Variants in FAM227B observed in about 807,000 individuals in gnomAD.
FAM227B encodes protein FAM227B.
Under a neutral mutation model 73.8 loss-of-function variants are expected in FAM227B, and 88 were observed. That is an observed-to-expected ratio of 1.19 (90% CI 1.00 to 1.42). The LOEUF (loss-of-function observed/expected upper bound fraction) is 1.42. FAM227B is among the 40% of genes most tolerant of loss of function. The pLI is 0.00. For synonymous variants in FAM227B, 210 were observed against 190.5 expected, an observed-to-expected ratio of 1.10 and a Z score of -0.84; for missense variants, 632 against 590.9, an observed-to-expected ratio of 1.07 and a Z score of -0.72.
At chr15:49,331,569 C>G (rs1050268761) in intron 15 of FAM227B, 4 of 486,206 alleles carry the variant, frequency 8.2e-6, no homozygotes, top group Non-Finnish European at 1.5e-5. Context: ...TGGTCAGAAG[C>G]TGGAAATGGG....
At chr15:49,392,565 CCT>C (rs1198822140) in intron 11 of FAM227B, among the ~76,000 whole-genome samples, 3 of 151,998 alleles carry the variant, frequency 2.0e-5, no homozygotes, top group Admixed American at 2.0e-4. Flanking sequence ...AACAGACCAC[CCT>C]GAGTGTCCTT....
rs2037736939 is a variant in FAM227B, at chr15:49,327,574, A to G, written c.*994T>C. The G allele has an allele frequency of 6.3e-6, 1 of 158,738 alleles. No homozygotes were observed. The highest frequency in any genetic ancestry group is 1.4e-5 in the Non-Finnish European group (1 of 72,628). The allele number at this position is 158,738 out of a possible 1,614,324, so 9.8% of individuals were successfully genotyped here. ...GACCTTCTGATTCAGGGTTGCCTACATTTCTTTTACCATTGCCTGTTTTAT... is the reference window on the plus strand; with the variant it reads ...GACCTTCTGATTCAGGGTTGCCTACGTTTCTTTTACCATTGCCTGTTTTAT... On this transcript the variant is annotated 3_prime_UTR_variant, in exon 16 of 16. Transcript: ENST00000299338.
At chr15:49,535,254 A>G (rs2060924340) in intron 10 of FAM227B, among the ~76,000 whole-genome samples, 1 of 151,676 alleles carries the variant, frequency 6.6e-6, no homozygotes, top group Admixed American at 6.6e-5. Context: ...TACAAGAGAT[A>G]CCTCTGAAAT....
intron 11 of FAM227B, among the ~76,000 whole-genome samples, chr15:49,417,655 C>T (rs1027177897): frequency 1.6e-4 from 25 of 151,844 alleles, no homozygotes; most frequent in African/African-American, 5.8e-4. Context: ...CCTTGCACCA[C>T]GTACAAAAAT....
chr15:49,566,611 G>C (rs2074680047), intron 9 of FAM227B, among the ~76,000 whole-genome samples: 1 of 152,058 alleles, frequency 6.6e-6, no homozygotes, highest in Non-Finnish European at 1.5e-5. Context: ...TGAGTTAATA[G>C]TAATAAAACC....
intron 11 of FAM227B, among the ~76,000 whole-genome samples, chr15:49,440,103 A>G (rs1160910838): frequency 1.3e-5 from 2 of 151,802 alleles, no homozygotes; most frequent in African/African-American, 4.8e-5. Flanking sequence ...TAACTTTTCA[A>G]AATGACATCA....
At chr15:49,438,316 T>G (rs1330327129) in intron 11 of FAM227B, among the ~76,000 whole-genome samples, 2 of 151,778 alleles carry the variant, frequency 1.3e-5, no homozygotes, top group Admixed American at 6.6e-5. Context: ...AATATTACTT[T>G]GTTAAAAATT....
At chr15:49,524,749 G>A (rs183763818) in intron 10 of FAM227B, among the ~76,000 whole-genome samples, 5 of 152,192 alleles carry the variant, frequency 3.3e-5, no homozygotes, top group African/African-American at 9.6e-5. Context: ...GCCCAAGCCT[G>A]TGGAAGTCCA....
intron 11 of FAM227B, among the ~76,000 whole-genome samples, chr15:49,401,093 A>C (rs1235524931): frequency 9.0e-4 from 137 of 152,258 alleles, no homozygotes; most frequent in African/African-American, 1.8e-3. Context: ...ATTTTCGCAA[A>C]CTACTCATCT....
intron 3 of FAM227B, among the ~76,000 whole-genome samples, chr15:49,592,952 A>G (rs1261073525): frequency 6.6e-6 from 1 of 152,198 alleles, no homozygotes; most frequent in African/African-American, 2.4e-5. Context: ...CTGCTGCACC[A>G]GCAGTGAGCA....
chr15:49,400,881 C>G (rs1306881241), intron 11 of FAM227B, among the ~76,000 whole-genome samples: 1 of 151,314 alleles, frequency 6.6e-6, no homozygotes, highest in East Asian at 1.9e-4. Flanking sequence ...AACGTTAGAC[C>G]TAAAACCATA....
chr15:49,597,079 A>G (rs1024139015), intron 3 of FAM227B, among the ~76,000 whole-genome samples: 8 of 152,044 alleles, frequency 5.3e-5, no homozygotes, highest in African/African-American at 1.9e-4. Flanking sequence ...GAGAAAGTCA[A>G]CAAAGAAATT....
At chr15:49,566,049 C>T (rs556374116) in intron 9 of FAM227B, among the ~76,000 whole-genome samples, 1 of 152,234 alleles carries the variant, frequency 6.6e-6, no homozygotes, top group South Asian at 2.1e-4. Flanking sequence ...GCCGCCACAG[C>T]TAAGAAAATT....
chr15:49,457,938 A>C (rs983410323), intron 11 of FAM227B, among the ~76,000 whole-genome samples: 3 of 152,024 alleles, frequency 2.0e-5, no homozygotes, highest in Non-Finnish European at 2.9e-5. Flanking sequence ...AGAAAAATTA[A>C]GCCTTTACTG....
chr15:49,521,882 C>T (rs2059813786), intron 10 of FAM227B, among the ~76,000 whole-genome samples: 3 of 152,146 alleles, frequency 2.0e-5, no homozygotes, highest in African/African-American at 7.2e-5. Flanking sequence ...CACCCCAGAC[C>T]TCAGCACATT....
chr15:49,504,592 G>A (rs188843924), intron 11 of FAM227B, among the ~76,000 whole-genome samples: 78 of 152,018 alleles, frequency 5.1e-4, no homozygotes, highest in African/African-American at 1.8e-3. Context: ...TCATTCATGT[G>A]CATGTTAAAG....
chr15:49,351,924 G>A (rs1406247645), intron 13 of FAM227B, among the ~76,000 whole-genome samples: 1 of 152,140 alleles, frequency 6.6e-6, no homozygotes, highest in Non-Finnish European at 1.5e-5. Flanking sequence ...AAAACTTAGG[G>A]GCATAAAGCA....
At position 49,528,330 on chromosome 15, in the gene FAM227B, C is replaced by T. The variant is rs752530532; in HGVS notation, c.874+13350G>A. On this transcript the variant is annotated intron_variant, in intron 10 of 15. Coordinates refer to ENST00000299338, the MANE Select transcript of FAM227B (RefSeq NM_152647.3). Reference sequence around the variant, plus strand: ...ACGAAACTGGACCCCTATCTCTCATCGTATGCAAAAATTAACCTAAGATAG... The same window carrying T: ...ACGAAACTGGACCCCTATCTCTCATTGTATGCAAAAATTAACCTAAGATAG... Among the ~76,000 whole-genome samples the T allele has an allele frequency of 4.0e-5, 6 of 151,646 alleles. No individual in the cohort carries two copies. In the East Asian group the frequency reaches 5.8e-4, roughly 15 times the overall value.
intron 11 of FAM227B, among the ~76,000 whole-genome samples, chr15:49,385,537 G>T (rs546113873): frequency 6.7e-6 from 1 of 149,920 alleles, no homozygotes; most frequent in South Asian, 2.1e-4. Flanking sequence ...AGCCCAATAC[G>T]CACCAAAATA....
Sources: gnomAD v4.1 joint callset for allele counts (sites outside exome capture counted in the v4.1 genomes callset) on GRCh38, gnomAD v4.1.1 for gene constraint, MANE v1.5 for transcripts, NCBI Gene and HGNC (gene_info 2026-07-23, HGNC 2026-07-21) for gene names.